Variants in MMP20 observed in about 807,000 individuals in gnomAD.
MMP20 encodes the protein matrix metallopeptidase 20.
A neutral mutation model predicts 51.8 loss-of-function variants in MMP20; 50 were observed. The observed-to-expected ratio is 0.97, with a 90% CI of 0.77 to 1.22. The LOEUF (loss-of-function observed/expected upper bound fraction) is 1.22, where lower values mean the gene tolerates loss of function less well. Among genes scored for constraint, MMP20 ranks in the 50% most tolerant of loss-of-function variants. The pLI is 0.00. For missense variants in MMP20, 663 were observed against 601.4 expected (o/e 1.10, Z -1.07); for synonymous variants, 244 against 216.2 (o/e 1.13, Z -1.13).
intron 8 of MMP20, among the ~76,000 whole-genome samples, chr11:102,584,258 G>T (rs1859229370): frequency 6.6e-6 from 1 of 152,008 alleles, no homozygotes; most frequent in Non-Finnish European, 1.5e-5. Flanking sequence ...AATGTATGAG[G>T]GTTCTGATTT....
At position 102,593,604 on chromosome 11, in the gene MMP20, A is replaced by G. The variant is rs1859345035; in HGVS notation, c.1091-9T>C. ...TATCCAGTAGTGGGGACCTGAAAACAGAAATTAAAGTTTACGAAAACTCTG... is the reference window on the plus strand; with the variant it reads ...TATCCAGTAGTGGGGACCTGAAAACGGAAATTAAAGTTTACGAAAACTCTG... On this transcript the variant is annotated splice_polypyrimidine_tract_variant and intron_variant, in intron 7 of 9. Transcript: ENST00000260228. The G allele has an allele frequency of 6.2e-7, 1 of 1,614,048 alleles. No individual in the cohort carries two copies. The highest frequency in any genetic ancestry group is 1.3e-5 in the African/African-American group (1 of 75,044).
intron 1 of MMP20, among the ~76,000 whole-genome samples, chr11:102,622,170 T>C (rs1028875039): frequency 1.3e-5 from 2 of 152,174 alleles, no homozygotes; most frequent in Admixed American, 6.5e-5. Context: ...TCTTTTCAAG[T>C]GTAGATTTTT....
chr11:102,593,702 C>T, intron 7 of MMP20, 107 bp from the exon 8 acceptor site: 2 of 1,213,294 alleles, frequency 1.6e-6, no homozygotes, highest in Non-Finnish European at 2.4e-6. Context: ...TTATGGGATA[C>T]TTGCCATGGC....
At chr11:102,624,401 C>CATATATATATAT (rs58212685) in intron 1 of MMP20, among the ~76,000 whole-genome samples, 9 of 140,262 alleles carry the variant, frequency 6.4e-5, no homozygotes, top group Non-Finnish European at 1.1e-4. Flanking sequence ...CGCTTGGAAG[C>CATATATATATAT]ATATATATAT....
At chr11:102,608,812 G>A (rs1412402037) in intron 5 of MMP20, 125 bp downstream of exon 5, 1 of 1,004,398 alleles carries the variant, frequency 1.0e-6, no homozygotes, top group East Asian at 2.4e-5. Flanking sequence ...TCACAAGAAG[G>A]CATAGTTGGG....
chr11:102,617,087 C>G lies in MMP20; in HGVS notation c.127-28G>C, dbSNP rs751658228. The G allele has an allele frequency of 1.2e-5, 20 of 1,613,994 alleles. No individual in the cohort carries two copies. In the Admixed American group the frequency reaches 3.2e-4, roughly 26 times the overall value. ...GAAATGGAGAGGCAGGCTGACGCGTCTACAGCGTAGTCTGGGAAATACTCA... is the reference window on the plus strand; with the variant it reads ...GAAATGGAGAGGCAGGCTGACGCGTGTACAGCGTAGTCTGGGAAATACTCA... On this transcript the variant is annotated intron_variant, in intron 1 of 9. Transcript: ENST00000260228.
At chr11:102,612,015 T>A (rs1374048720) in intron 2 of MMP20, 112 bp from the exon 3 acceptor site, 2 of 1,004,480 alleles carry the variant, frequency 2.0e-6, no homozygotes, top group East Asian at 5.2e-5. Context: ...TAGATTTTTC[T>A]CTGAAATAAT....
chr11:102,624,405 T>TATAA (rs1859790840), intron 1 of MMP20, among the ~76,000 whole-genome samples: 2 of 3,808 alleles, frequency 5.3e-4, no homozygotes, highest in Non-Finnish European at 1.5e-3. Context: ...TGGAAGCATA[T>TATAA]ATATATATAT....
chr11:102,603,455 T>C (rs974234832), intron 6 of MMP20, among the ~76,000 whole-genome samples: 4 of 152,170 alleles, frequency 2.6e-5, no homozygotes, highest in African/African-American at 7.2e-5. Context: ...TAGTTTGGGT[T>C]TGAATTCCAG....
rs1859342399 is a variant in MMP20 at position 102,593,466 on chromosome 11, AG to A, written c.1219del (p.Leu407PhefsTer33). 6.2e-7 allele frequency: 1 copy of A among 1,614,038 alleles called. No homozygotes were observed. The highest frequency in any genetic ancestry group is 1.7e-5 in the Admixed American group (1 of 60,002). Reference sequence around the variant, plus strand: ...GTAGTATTCATCTCCCACAAAGAAAAGGGTCTTCTGTGGCTCCCTGAGGTAG... The same window carrying A: ...GTAGTATTCATCTCCCACAAAGAAAAGGTCTTCTGTGGCTCCCTGAGGTAG... ...AVYLREPQKT[L>X]FFVGDEYYSY... On this transcript the variant is annotated frameshift_variant, in exon 8 of 10. Coordinates refer to ENST00000260228, the MANE Select transcript of MMP20 (RefSeq NM_004771.4). LOFTEE classifies it high-confidence loss of function.
chr11:102,602,935 C>G (rs994602276), intron 6 of MMP20, among the ~76,000 whole-genome samples: 1 of 152,150 alleles, frequency 6.6e-6, no homozygotes, highest in South Asian at 2.1e-4. Flanking sequence ...GTGATATAGC[C>G]TTAATAAATT....
intron 8 of MMP20, chr11:102,583,517 G>C (rs1203183652): frequency 6.6e-6 from 1 of 152,158 alleles, no homozygotes; most frequent in Non-Finnish European, 1.5e-5. Flanking sequence ...GTATAGGTCT[G>C]TAGGAGCTAT....
At chr11:102,599,279 C>A (rs2135936492) in intron 6 of MMP20, among the ~76,000 whole-genome samples, 1 of 152,270 alleles carries the variant, frequency 6.6e-6, no homozygotes, top group East Asian at 1.9e-4. Flanking sequence ...CTCGGCTTCC[C>A]AAAGTGCTGG....
At chr11:102,579,330 T>A (rs533355987) in intron 8 of MMP20, among the ~76,000 whole-genome samples, 188 bp from the exon 9 acceptor site, 2 of 152,146 alleles carry the variant, frequency 1.3e-5, no homozygotes, top group African/African-American at 4.8e-5. Flanking sequence ...TTGTTTTTTT[T>A]TTGAGATGGG....
intron 1 of MMP20, among the ~76,000 whole-genome samples, chr11:102,624,574 T>C (rs559559050): frequency 1.3e-5 from 2 of 152,064 alleles, no homozygotes; most frequent in African/African-American, 2.4e-5. Flanking sequence ...TTTAAGTACA[T>C]AAACGTTGTA....
chr11:102,579,823 T>TAAAAAAAAAAAA (rs1312791915), intron 8 of MMP20, among the ~76,000 whole-genome samples: 5 of 152,214 alleles, frequency 3.3e-5, no homozygotes, highest in African/African-American at 1.2e-4. Flanking sequence ...ACTTGCCATT[T>TAAAAAAAAAAAA]GAAAGGAACT....
chr11:102,610,969 G>A (rs1296474933), intron 3 of MMP20, among the ~76,000 whole-genome samples: 1 of 152,088 alleles, frequency 6.6e-6, no homozygotes, highest in African/African-American at 2.4e-5. Flanking sequence ...AAGCTACCCC[G>A]AGTCACACTG....
At chr11:102,602,108 C>T (rs1427874716) in intron 6 of MMP20, among the ~76,000 whole-genome samples, 4 of 138,540 alleles carry the variant, frequency 2.9e-5, no homozygotes, top group Non-Finnish European at 4.6e-5. Context: ...CACCACCACG[C>T]CCGGCTAATT....
chr11:102,612,224 G>A (rs993832886), intron 2 of MMP20, among the ~76,000 whole-genome samples: 23 of 152,190 alleles, frequency 1.5e-4, no homozygotes, highest in Admixed American at 2.0e-4. Flanking sequence ...CAGCACTTTG[G>A]AAGGCTGAGG....
Sources: allele counts gnomAD v4.1 joint callset (sites outside exome capture counted in the v4.1 genomes callset), GRCh38; gene constraint gnomAD v4.1.1; transcripts MANE v1.5; gene names NCBI Gene and HGNC (gene_info 2026-07-23, HGNC 2026-07-21).